CDH12: variants seen among roughly 807,000 people sequenced by gnomAD.
CDH12 encodes the protein cadherin-12.
CDH12 carries 41 observed loss-of-function variants against 74.1 expected under a neutral mutation model. The ratio of observed to expected loss-of-function variants is 0.55; its 90% CI spans 0.43 to 0.72. The LOEUF (loss-of-function observed/expected upper bound fraction) is 0.72. Ranked by LOEUF, CDH12 falls within the 30% of genes least tolerant of loss-of-function variation. CDH12 has a pLI of 0.00. For synonymous variants in CDH12, 399 were observed against 355.0 expected (o/e 1.12, Z -1.39); for missense variants, 945 against 977.2 (o/e 0.97, Z 0.44).
chr5:22,727,802 T>G (rs1744236063), intron 1 of CDH12, among the ~76,000 whole-genome samples: 2 of 151,776 alleles, frequency 1.3e-5, no homozygotes, highest in South Asian at 4.1e-4. Context: ...TTTCTTTTTT[T>G]GAAGTCATCT....
chr5:22,340,142 A>G (rs1472807500), intron 3 of CDH12, among the ~76,000 whole-genome samples: 1 of 152,212 alleles, frequency 6.6e-6, no homozygotes, highest in African/African-American at 2.4e-5. Context: ...TACCTTGAGC[A>G]TTAGCACTTC....
intron 2 of CDH12, among the ~76,000 whole-genome samples, chr5:22,500,994 T>C (rs1240598192): frequency 6.6e-6 from 1 of 152,096 alleles, no homozygotes; most frequent in Non-Finnish European, 1.5e-5. Context: ...TTTAAGCTAA[T>C]TTGAATGATA....
rs555638880 is a variant in CDH12, at chr5:22,431,873, A to G, written c.-427-26522T>C. Among the ~76,000 whole-genome samples the G allele has an allele frequency of 3.9e-5, 6 of 152,320 alleles. No homozygotes were observed. The East Asian group carries it at 1.2e-3, about 29-fold the overall frequency. ...TTTTAATCTAAGTATTATGAAAGAG[A>G]GTAGAAAAGTTAAAAAATAAATTTT... On this transcript the variant is annotated intron_variant, in intron 2 of 14. Coordinates refer to ENST00000382254, the MANE Select transcript of CDH12 (RefSeq NM_004061.5).
intron 6 of CDH12, among the ~76,000 whole-genome samples, chr5:21,880,491 C>CCTCTT (rs1561267693): frequency 6.1e-5 from 3 of 48,962 alleles, no homozygotes; most frequent in Non-Finnish European, 1.2e-4. Context: ...TCCTTCCTTC[C>CCTCTT]TTCCTTCCTT....
In CDH12 at chr5:22,507,868, G is replaced by A. The variant is rs536531166; in HGVS notation, c.-522-2504C>T. Among the ~76,000 whole-genome samples the A allele has an allele frequency of 4.6e-5, 7 of 152,290 alleles. No homozygotes were observed. The South Asian group carries it at 1.4e-3, about 32-fold the overall frequency. ...TGCCATCCCTTCAGAGGGTCTAGGG[G>A]AAAATCCATTTCTCGCCTCTTCCAG... On this transcript the variant is annotated intron_variant, in intron 1 of 14. Coordinates refer to ENST00000382254, the MANE Select transcript of CDH12 (RefSeq NM_004061.5).
In CDH12 at chr5:22,150,191, C is replaced by T. The variant is rs540898409; in HGVS notation, c.-187+62307G>A. On this transcript the variant is annotated intron_variant, in intron 4 of 14. Coordinates refer to ENST00000382254, the MANE Select transcript of CDH12 (RefSeq NM_004061.5). ...TTCTGTAGAAAAGTTTTGGTTTTTC[C>T]CTTTCCATTCTTTTGTGAAATGTTT... Among the ~76,000 whole-genome samples the T allele has an allele frequency of 2.6e-3, 397 of 151,914 alleles. 1 individual carries two copies. Among genetic ancestry groups the T allele is most frequent in the African/African-American group, 9.1e-3 (377 of 41,452 alleles).
chr5:22,093,282 A>G (rs893652277), intron 4 of CDH12, among the ~76,000 whole-genome samples: 1 of 152,188 alleles, frequency 6.6e-6, no homozygotes, highest in African/African-American at 2.4e-5. Context: ...GACTATTTTT[A>G]AAACAATTGA....
intron 4 of CDH12, among the ~76,000 whole-genome samples, chr5:22,135,045 A>G (rs1209546062): frequency 1.3e-5 from 2 of 152,044 alleles, no homozygotes; most frequent in African/African-American, 2.4e-5. Context: ...AAGAGAGTGA[A>G]CCAGTGTAAG....
At chr5:22,668,601 T>G (rs1340851068) in intron 1 of CDH12, among the ~76,000 whole-genome samples, 1 of 152,160 alleles carries the variant, frequency 6.6e-6, no homozygotes, top group Non-Finnish European at 1.5e-5. Context: ...TGTGCTAGTT[T>G]GGATCTCTCT....
At chr5:22,175,968 G>C (rs912907782) in intron 4 of CDH12, among the ~76,000 whole-genome samples, 8 of 152,180 alleles carry the variant, frequency 5.3e-5, no homozygotes, top group Non-Finnish European at 2.9e-5. Flanking sequence ...TCCTAAAAAT[G>C]TGTAGATCAT....
chr5:22,657,648 A>G (rs1231725458), intron 1 of CDH12, among the ~76,000 whole-genome samples: 4 of 152,172 alleles, frequency 2.6e-5, no homozygotes, highest in African/African-American at 9.7e-5. Context: ...CTATGGTGAC[A>G]TTTATCACTA....
At chr5:21,889,476 C>T (rs964019139) in intron 6 of CDH12, 1 of 581,448 alleles carries the variant, frequency 1.7e-6, no homozygotes, top group Non-Finnish European at 2.2e-6. Flanking sequence ...ACAGACATTG[C>T]CTTTGTGGGG....
At chr5:22,548,616 G>T (rs1738432066) in intron 1 of CDH12, among the ~76,000 whole-genome samples, 1 of 151,954 alleles carries the variant, frequency 6.6e-6, no homozygotes, top group Non-Finnish European at 1.5e-5. Flanking sequence ...TACTCTCTTG[G>T]CCACAGAAGG....
intron 3 of CDH12, among the ~76,000 whole-genome samples, chr5:22,391,362 G>A (rs1011126328): frequency 9.9e-5 from 15 of 152,114 alleles, no homozygotes; most frequent in African/African-American, 3.6e-4. Context: ...TGTTAGTAAT[G>A]CATTCATTCA....
At chr5:22,643,733 CTTTTTTTTT>C (rs762944279) in intron 1 of CDH12, among the ~76,000 whole-genome samples, 1 of 51,202 alleles carries the variant, frequency 2.0e-5, no homozygotes, top group South Asian at 8.9e-4. Flanking sequence ...TTTAAGGTAT[CTTTTTTTTT>C]TTTTTTTTTT....
chr5:22,349,421 T>G (rs2150462823), intron 3 of CDH12, among the ~76,000 whole-genome samples: 1 of 152,320 alleles, frequency 6.6e-6, no homozygotes, highest in South Asian at 2.1e-4. Context: ...CTTATATGTC[T>G]TATGCAGATT....
chr5:22,612,906 A>G (rs899485884), intron 1 of CDH12, among the ~76,000 whole-genome samples: 1 of 152,132 alleles, frequency 6.6e-6, no homozygotes, highest in African/African-American at 2.4e-5. Context: ...TATTGGCCAG[A>G]TTAAGACAGA....
At chr5:22,058,976 C>A (rs1375703489) in intron 5 of CDH12, among the ~76,000 whole-genome samples, 3 of 151,980 alleles carry the variant, frequency 2.0e-5, no homozygotes. Flanking sequence ...TTAAATTATT[C>A]CTAGTTCCCA....
At chr5:22,269,540 AG>A (rs2150399212) in intron 3 of CDH12, among the ~76,000 whole-genome samples, 1 of 152,290 alleles carries the variant, frequency 6.6e-6, no homozygotes, top group African/African-American at 2.4e-5. Flanking sequence ...TTCTTAAATT[AG>A]CCATATTAGA....
Sources: gnomAD v4.1 joint callset for allele counts (sites outside exome capture counted in the v4.1 genomes callset) on GRCh38, gnomAD v4.1.1 for gene constraint, MANE v1.5 for transcripts, NCBI Gene and HGNC (gene_info 2026-07-23, HGNC 2026-07-21) for gene names.